The following SLC7A14 variants were observed in gnomAD, a reference collection of about 807,000 sequenced individuals.
SLC7A14 encodes the protein solute carrier family 7 member 14, also known as gamma-aminobutyric acid transporter SLC7A14.
SLC7A14 carries 37 observed loss-of-function variants against 60.2 expected under a neutral mutation model. That is an observed-to-expected ratio of 0.61 (90% confidence interval 0.47 to 0.81). The LOEUF is 0.81. Ranked by LOEUF, SLC7A14 falls within the 30% of genes least tolerant of loss-of-function variation. The pLI is 0.00. For missense variants in SLC7A14, 886 were observed against 982.7 expected, an observed-to-expected ratio of 0.90 and a Z score of 1.32; for synonymous variants, 399 against 395.8, an observed-to-expected ratio of 1.01 and a Z score of -0.10.
intron 4 of SLC7A14, chr3:170,496,678 AC>A: frequency 9.3e-7 from 1 of 1,079,540 alleles, no homozygotes; most frequent in Non-Finnish European, 1.4e-6. Flanking sequence ...TAGGAAGACC[AC>A]CAGCGGCTAT....
intron 1 of SLC7A14, among the ~76,000 whole-genome samples, chr3:170,567,013 T>A (rs375794811): frequency 9.2e-5 from 14 of 151,442 alleles, no homozygotes; most frequent in East Asian, 5.8e-4. Context: ...TTATTTTATT[T>A]TATTATTATT....
chr3:170,560,912 A>G (rs1375683725), intron 1 of SLC7A14, among the ~76,000 whole-genome samples: 1 of 152,168 alleles, frequency 6.6e-6, no homozygotes, highest in Admixed American at 6.5e-5. Flanking sequence ...CCATGTACAC[A>G]TGGTTACCCA....
chr3:170,578,081 TACTGA>T lies in SLC7A14; in HGVS notation c.-153+7825_-153+7829del, dbSNP rs1470063547. Among the ~76,000 whole-genome samples, 5 of 152,360 alleles carry T rather than the reference TACTGA, an allele frequency of 3.3e-5. No individual in the cohort carries two copies. In the South Asian group the frequency reaches 8.3e-4, roughly 25 times the overall value. ...CCTAAAGGCAGAAGCTAGAAGACTC[TACTGA>T]ACAGTAAAGATGTGGTGGGCTGACC... On this transcript the variant is annotated intron_variant, in intron 1 of 7. Coordinates refer to ENST00000231706, the MANE Select transcript of SLC7A14 (RefSeq NM_020949.3).
chr3:170,511,552 A>G (rs1335450155), intron 2 of SLC7A14, among the ~76,000 whole-genome samples: 1 of 152,204 alleles, frequency 6.6e-6, no homozygotes, highest in Non-Finnish European at 1.5e-5. Context: ...CAGGTGTTAC[A>G]GTTCCTGACA....
intron 2 of SLC7A14, among the ~76,000 whole-genome samples, chr3:170,511,015 G>A (rs1455915062): frequency 6.6e-6 from 1 of 152,184 alleles, no homozygotes; most frequent in Admixed American, 6.5e-5. Flanking sequence ...CACAGCCTCT[G>A]GAGAGAGACC....
At position 170,550,512 on chromosome 3, in the gene SLC7A14, A is replaced by ATTTTTTTTTTTTTTTTTTTTTTTT. The variant is rs369436642; in HGVS notation, c.-152-23448_-152-23425dup. Reference sequence around the variant, plus strand: ...TAAACCTAATGCCATCTTTCCTTGAATTTTTTTTTTTTTTTTTTTTTTTTT... The same window carrying ATTTTTTTTTTTTTTTTTTTTTTTT: ...TAAACCTAATGCCATCTTTCCTTGAATTTTTTTTTTTTTTTTTTTTTTTTTTTTTTTTTTTTTTTTTTTTTTTTT... On this transcript the variant is annotated intron_variant, in intron 1 of 7. Coordinates refer to ENST00000231706, the MANE Select transcript of SLC7A14 (RefSeq NM_020949.3). 5.3e-4 allele frequency among the ~76,000 whole-genome samples: 32 copies of ATTTTTTTTTTTTTTTTTTTTTTTT among 60,610 alleles called. 6 individuals carry two copies. The highest frequency in any genetic ancestry group is 2.3e-3 in the African/African-American group (26 of 11,470). 39.8% of individuals were successfully genotyped at this position (60,610 alleles called of 152,430 possible). A position where few individuals can be genotyped will look rare whatever the true frequency, so the allele number is the denominator to read the frequency against.
intron 1 of SLC7A14, among the ~76,000 whole-genome samples, chr3:170,577,760 A>G (rs1444385306): frequency 1.3e-5 from 2 of 152,186 alleles, no homozygotes; most frequent in African/African-American, 4.8e-5. Flanking sequence ...ATAAACATGT[A>G]TATTTGACTA....
intron 2 of SLC7A14, among the ~76,000 whole-genome samples, chr3:170,514,128 TG>T (rs941634912): frequency 6.6e-6 from 1 of 152,238 alleles, no homozygotes; most frequent in Admixed American, 6.5e-5. Context: ...TTTGATTCCC[TG>T]GGGTGGCCGT....
intron 7 of SLC7A14, 127 bp from the exon 8 acceptor site, chr3:170,467,504 A>C: frequency 1.5e-6 from 1 of 677,410 alleles, no homozygotes; most frequent in South Asian, 3.0e-5. Context: ...GCGGGGATGT[A>C]TTTTCTTTGC....
rs541276031 is a variant in SLC7A14 at position 170,527,470 on chromosome 3, G to A, written c.-152-382C>T. On this transcript the variant is annotated intron_variant, in intron 1 of 7. Coordinates refer to ENST00000231706, the MANE Select transcript of SLC7A14 (RefSeq NM_020949.3). ...TAAGGAGCTTAAGAAAATGCCTGGCGTATGGAAAGTGCTCATCCATCTCAA... is the reference window on the plus strand; with the variant it reads ...TAAGGAGCTTAAGAAAATGCCTGGCATATGGAAAGTGCTCATCCATCTCAA... Among the ~76,000 whole-genome samples, 75 of 152,294 alleles carry A rather than the reference G, an allele frequency of 4.9e-4. No individual in the cohort carries two copies. In the South Asian group the frequency reaches 0.012, roughly 24 times the overall value.
At chr3:170,477,823 G>A (rs1032935714) in intron 7 of SLC7A14, among the ~76,000 whole-genome samples, 9 of 152,168 alleles carry the variant, frequency 5.9e-5, no homozygotes, top group African/African-American at 1.9e-4. Context: ...CCAATGGAAT[G>A]GGCACCACAC....
At position 170,568,324 on chromosome 3, in the gene SLC7A14, T is replaced by C. The variant is rs556285972; in HGVS notation, c.-153+17587A>G. 2.4e-4 allele frequency among the ~76,000 whole-genome samples: 37 copies of C among 152,330 alleles called. No homozygotes were observed. In the East Asian group the frequency reaches 6.6e-3, roughly 27 times the overall value. ...GTCAAAGATCAGATAGTTGTAGATA[T>C]GCGGTGTTATTTCTGAGGGCTCTGT... On this transcript the variant is annotated intron_variant, in intron 1 of 7. Coordinates refer to ENST00000231706, the MANE Select transcript of SLC7A14 (RefSeq NM_020949.3).
Position 170,461,245 on chromosome 3 carries a change from G to A in SLC7A14, c.*5810C>T, listed in dbSNP as rs1017753907. On this transcript the variant is annotated 3_prime_UTR_variant, in exon 8 of 8. Transcript: ENST00000231706. Reference sequence around the variant, plus strand: ...AATGATTTTGTACACTGTTTTAGTTGATACTGCAGAACACATATTCACCTT... The same window carrying A: ...AATGATTTTGTACACTGTTTTAGTTAATACTGCAGAACACATATTCACCTT... The A allele has an allele frequency of 6.6e-6, 1 of 152,162 alleles. No homozygotes were observed. Among genetic ancestry groups the A allele is most frequent in the African/African-American group, 2.4e-5 (1 of 41,410 alleles). 9.4% of individuals were successfully genotyped at this position (152,162 alleles called of 1,614,324 possible).
chr3:170,550,486 C>G (rs909594650), intron 1 of SLC7A14, among the ~76,000 whole-genome samples: 3 of 135,552 alleles, frequency 2.2e-5, no homozygotes, highest in Non-Finnish European at 4.6e-5. Flanking sequence ...ATCTTTCAAA[C>G]TAAACCTAAT....
intron 1 of SLC7A14, among the ~76,000 whole-genome samples, chr3:170,553,775 T>C (rs1190482644): frequency 6.6e-6 from 1 of 152,158 alleles, no homozygotes; most frequent in African/African-American, 2.4e-5. Context: ...TGCTTGCCAA[T>C]ATTGGAACTA....
rs1295492745 is a variant in SLC7A14, at chr3:170,467,388, AG to A, written c.1994-12del. On this transcript the variant is annotated splice_polypyrimidine_tract_variant and intron_variant, in intron 7 of 7. Coordinates refer to ENST00000231706, the MANE Select transcript of SLC7A14 (RefSeq NM_020949.3). Reference sequence around the variant, plus strand: ...AATAAATGAGCAGACCTGTGGGGCGAGGGGAAAGGTACAGGTGAATAAGCAA... The same window carrying A: ...AATAAATGAGCAGACCTGTGGGGCGAGGGAAAGGTACAGGTGAATAAGCAA... 8 of 1,404,688 alleles carry A rather than the reference AG, an allele frequency of 5.7e-6. No individual in the cohort carries two copies. The African/African-American group carries it at 1.2e-4, about 22-fold the overall frequency. The allele number at this position is 1,404,688 out of a possible 1,614,324, so 87.0% of individuals were successfully genotyped here. A position where few individuals can be genotyped will look rare whatever the true frequency, so the allele number is the denominator to read the frequency against.
intron 1 of SLC7A14, among the ~76,000 whole-genome samples, chr3:170,550,424 T>C (rs1157408375): frequency 6.6e-6 from 1 of 151,354 alleles, no homozygotes; most frequent in Non-Finnish European, 1.5e-5. Flanking sequence ...CAAATACTAC[T>C]GCACAGGGTT....
chr3:170,481,718 G>T (rs1332230419), intron 6 of SLC7A14, among the ~76,000 whole-genome samples: 1 of 152,092 alleles, frequency 6.6e-6, no homozygotes, highest in African/African-American at 2.4e-5. Context: ...TGATTTTAAG[G>T]CAAAGTTCTT....
chr3:170,553,376 A>G (rs1714401210), intron 1 of SLC7A14, among the ~76,000 whole-genome samples: 1 of 152,244 alleles, frequency 6.6e-6, no homozygotes, highest in Non-Finnish European at 1.5e-5. Context: ...ATTTGTTTAT[A>G]TACTACATAT....
Sources: allele counts gnomAD v4.1 joint callset (sites outside exome capture counted in the v4.1 genomes callset), GRCh38; gene constraint gnomAD v4.1.1; transcripts MANE v1.5; gene names NCBI Gene and HGNC (gene_info 2026-07-23, HGNC 2026-07-21).